Variants in IMMP2L observed in about 807,000 individuals in gnomAD.
IMMP2L encodes the protein mitochondrial inner membrane protease subunit 2.
In IMMP2L, 18 loss-of-function variants were observed where a neutral mutation model predicts 19.3. The observed-to-expected ratio is 0.93, with a 90% confidence interval of 0.64 to 1.38. IMMP2L has a LOEUF of 1.38. Among genes scored for constraint, IMMP2L ranks in the 40% most tolerant of loss-of-function variants. IMMP2L has a pLI of 0.00. For missense variants in IMMP2L, 233 were observed against 218.2 expected (o/e 1.07, Z -0.43); for synonymous variants, 76 against 73.0 (o/e 1.04, Z -0.21).
At chr7:111,370,490 A>C (rs1830167922) in intron 3 of IMMP2L, among the ~76,000 whole-genome samples, 1 of 151,976 alleles carries the variant, frequency 6.6e-6, no homozygotes, top group Non-Finnish European at 1.5e-5. Flanking sequence ...CTATGGAAAA[A>C]CTTTTAAAAT....
At chr7:110,868,002 G>T (rs1355129069) in intron 5 of IMMP2L, among the ~76,000 whole-genome samples, 1 of 151,940 alleles carries the variant, frequency 6.6e-6, no homozygotes, top group African/African-American at 2.4e-5. Flanking sequence ...AACATAGGGA[G>T]CAACAAAACA....
chr7:111,485,590 T>A (rs1441143376), intron 3 of IMMP2L, among the ~76,000 whole-genome samples: 1 of 104,030 alleles, frequency 9.6e-6, no homozygotes, highest in African/African-American at 4.5e-5. Flanking sequence ...AGAGCGAGAC[T>A]CTGTTTCAAA....
chr7:110,906,710 G>GA (rs201842189), intron 4 of IMMP2L, among the ~76,000 whole-genome samples: 2,094 of 148,764 alleles, frequency 0.014, 30 homozygotes, highest in Non-Finnish European at 0.023. Flanking sequence ...TTATAATAGT[G>GA]AAAAAAAAAC....
At chr7:111,038,629 A>G (rs1461080638) in intron 3 of IMMP2L, among the ~76,000 whole-genome samples, 3 of 152,270 alleles carry the variant, frequency 2.0e-5, no homozygotes, top group Middle Eastern at 3.4e-3. Flanking sequence ...TGGGCATAAA[A>G]CTATACAACT....
At chr7:111,113,189 T>C (rs2129584408) in intron 3 of IMMP2L, among the ~76,000 whole-genome samples, 1 of 152,190 alleles carries the variant, frequency 6.6e-6, no homozygotes, top group East Asian at 1.9e-4. Context: ...TACTAGGTCA[T>C]TGGACTCTTG....
At chr7:111,499,039 T>C (rs1843879630) in intron 2 of IMMP2L, among the ~76,000 whole-genome samples, 1 of 152,204 alleles carries the variant, frequency 6.6e-6, no homozygotes, top group Non-Finnish European at 1.5e-5. Flanking sequence ...AAATCATTTA[T>C]TGGTTCATGA....
intron 3 of IMMP2L, among the ~76,000 whole-genome samples, chr7:111,442,639 G>T (rs940613784): frequency 2.0e-5 from 3 of 151,566 alleles, no homozygotes; most frequent in African/African-American, 4.9e-5. Flanking sequence ...GTCTGTATAG[G>T]TACCTCAAAT....
At chr7:111,040,582 T>C (rs1791798823) in intron 3 of IMMP2L, among the ~76,000 whole-genome samples, 2 of 150,938 alleles carry the variant, frequency 1.3e-5, no homozygotes, top group African/African-American at 4.8e-5. Flanking sequence ...AATATTTAAA[T>C]ATTAGATATA....
intron 3 of IMMP2L, among the ~76,000 whole-genome samples, chr7:111,220,567 A>G (rs1812400319): frequency 1.3e-5 from 2 of 148,316 alleles, no homozygotes; most frequent in Admixed American, 1.4e-4. Context: ...AGGCTTCTCC[A>G]GAGAAACATG....
chr7:110,830,298 C>T (rs941201643), intron 5 of IMMP2L, among the ~76,000 whole-genome samples: 3 of 151,992 alleles, frequency 2.0e-5, no homozygotes, highest in East Asian at 1.9e-4. Flanking sequence ...TCCTGTGGAC[C>T]GCTTCCTTCT....
At chr7:111,447,288 T>G (rs1838585004) in intron 3 of IMMP2L, among the ~76,000 whole-genome samples, 1 of 110,194 alleles carries the variant, frequency 9.1e-6, no homozygotes, top group Non-Finnish European at 1.9e-5. Flanking sequence ...AAGGAAAAAA[T>G]GTTAAGGGCA....
chr7:111,085,407 T>C (rs767910480), intron 3 of IMMP2L, among the ~76,000 whole-genome samples: 22 of 152,174 alleles, frequency 1.4e-4, no homozygotes, highest in Non-Finnish European at 2.2e-4. Flanking sequence ...CGTCAGTAGA[T>C]TGAAGCTAGT....
At chr7:111,546,350 T>G (rs969346712) in intron 1 of IMMP2L, among the ~76,000 whole-genome samples, 1 of 152,110 alleles carries the variant, frequency 6.6e-6, no homozygotes, top group African/African-American at 2.4e-5. Flanking sequence ...TTTCAAAATT[T>G]GTTTCTTTGC....
At chr7:111,419,554 A>G (rs530125511) in intron 3 of IMMP2L, among the ~76,000 whole-genome samples, 1 of 151,812 alleles carries the variant, frequency 6.6e-6, no homozygotes, top group South Asian at 2.1e-4. Context: ...AACTCAAAAG[A>G]AGGCAATCAT....
At chr7:110,781,048 T>G (rs1401326936) in intron 5 of IMMP2L, among the ~76,000 whole-genome samples, 1 of 151,994 alleles carries the variant, frequency 6.6e-6, no homozygotes, top group East Asian at 1.9e-4. Context: ...TTCCATTTGT[T>G]AACCTTGAAA....
Position 111,332,452 on chromosome 7 carries a change from A to G in IMMP2L, c.239+154786T>C, listed in dbSNP as rs1825971929. Among the ~76,000 whole-genome samples the G allele has an allele frequency of 2.0e-5, 3 of 152,116 alleles. No individual in the cohort carries two copies. The South Asian group carries it at 6.2e-4, about 32-fold the overall frequency. Reference sequence around the variant, plus strand: ...ATGTAACAAAGAAGGACACGTTTTAACGCTAAAGCCAAAATCACAATAAAG... The same window carrying G: ...ATGTAACAAAGAAGGACACGTTTTAGCGCTAAAGCCAAAATCACAATAAAG... On this transcript the variant is annotated intron_variant, in intron 3 of 5. Transcript: ENST00000405709.
intron 3 of IMMP2L, among the ~76,000 whole-genome samples, chr7:111,070,218 A>C (rs961085905): frequency 5.9e-5 from 9 of 152,222 alleles, no homozygotes; most frequent in Non-Finnish European, 1.3e-4. Context: ...ATTGGAAAAA[A>C]TACTGAGCAC....
At chr7:111,401,899 T>C (rs543173485) in intron 3 of IMMP2L, among the ~76,000 whole-genome samples, 1 of 151,984 alleles carries the variant, frequency 6.6e-6, no homozygotes, top group African/African-American at 2.4e-5. Flanking sequence ...ATACAATCCA[T>C]AAAAATATTC....
chr7:110,842,670 T>C (rs1776164542), intron 5 of IMMP2L, among the ~76,000 whole-genome samples: 1 of 152,170 alleles, frequency 6.6e-6, no homozygotes, highest in Non-Finnish European at 1.5e-5. Flanking sequence ...AAATACTTAT[T>C]ACCTGCTATG....
Sources: gnomAD v4.1 joint callset for allele counts (sites outside exome capture counted in the v4.1 genomes callset) on GRCh38, gnomAD v4.1.1 for gene constraint, MANE v1.5 for transcripts, NCBI Gene and HGNC (gene_info 2026-07-23, HGNC 2026-07-21) for gene names.